The following TMPRSS12 variants were observed in gnomAD, a reference collection of about 807,000 sequenced individuals.
The protein encoded by TMPRSS12 is transmembrane serine protease 12.
A neutral mutation model predicts 26.0 loss-of-function variants in TMPRSS12; 25 were observed. The ratio of observed to expected loss-of-function variants is 0.96; its 90% confidence interval spans 0.70 to 1.34. The LOEUF is 1.34. Among genes scored for constraint, TMPRSS12 ranks in the 40% most tolerant of loss-of-function variants. The pLI is 0.00. For synonymous variants in TMPRSS12, 150 were observed against 161.7 expected, an observed-to-expected ratio of 0.93 and a Z score of 0.55; for missense variants, 441 against 440.1, an observed-to-expected ratio of 1.00 and a Z score of -0.02.
chr12:50,872,840 GTCTATATATGTACATATATATGACTA>G (rs1565936033), intron 3 of TMPRSS12, among the ~76,000 whole-genome samples: 47 of 28,274 alleles, frequency 1.7e-3, no homozygotes, highest in South Asian at 3.8e-3. Flanking sequence ...TATATATGAC[GTCTATATATGTACATATATATGACTA>G]TATATGTACA....
At chr12:50,867,093 A>G (rs750519477) in intron 3 of TMPRSS12, among the ~76,000 whole-genome samples, 7 of 152,184 alleles carry the variant, frequency 4.6e-5, no homozygotes, top group African/African-American at 4.8e-5. Context: ...TCCCCAAAAA[A>G]TCACACTAGC....
intron 2 of TMPRSS12, among the ~76,000 whole-genome samples, chr12:50,850,148 T>G (rs755226209): frequency 1.3e-5 from 2 of 152,174 alleles, no homozygotes; most frequent in Non-Finnish European, 2.9e-5. Flanking sequence ...CCAAATCTCA[T>G]GTTGGAATGT....
At chr12:50,861,870 C>T (rs987315548) in intron 3 of TMPRSS12, among the ~76,000 whole-genome samples, 6 of 150,034 alleles carry the variant, frequency 4.0e-5, no homozygotes, top group South Asian at 2.1e-4. Flanking sequence ...AGTGCAGTGG[C>T]GCAATCTCGG....
At chr12:50,844,075 G>A in intron 2 of TMPRSS12, 38 bp downstream of exon 2, 2 of 1,462,624 alleles carry the variant, frequency 1.4e-6, no homozygotes, top group Non-Finnish European at 1.8e-6. Context: ...ATGCTCTTAG[G>A]GGATATTTTG....
rs144023086 is a variant in TMPRSS12, at chr12:50,874,534, T to C, written c.653-10712T>C. On this transcript the variant is annotated intron_variant, in intron 3 of 4. Coordinates refer to ENST00000398458, the MANE Select transcript of TMPRSS12 (RefSeq NM_182559.3). ...AACACCATTCTAAGTTTAAAAATTC[T>C]CAAAAGAAATAGCAATAAGAAGTCC... Among the ~76,000 whole-genome samples the C allele has an allele frequency of 2.0e-5, 3 of 152,180 alleles. No individual in the cohort carries two copies. The East Asian group carries it at 5.8e-4, about 29-fold the overall frequency.
At chr12:50,847,152 G>A (rs576343739) in intron 2 of TMPRSS12, among the ~76,000 whole-genome samples, 160 of 142,214 alleles carry the variant, frequency 1.1e-3, no homozygotes, top group Middle Eastern at 8.6e-3. Context: ...TCCGCCTCCC[G>A]GGTTCAGGCC....
chr12:50,885,356 G>A lies in TMPRSS12; in HGVS notation c.763G>A (p.Gly255Ser). 1 of 1,613,784 alleles carries A rather than the reference G, an allele frequency of 6.2e-7. No individual in the cohort carries two copies. Among genetic ancestry groups the A allele is most frequent in the Non-Finnish European group, 8.5e-7 (1 of 1,179,814 alleles). The change falls in exon 4 of 5, where the codon GGT becomes AGT. Residue 255 changes from glycine to serine, a missense_variant. Physicochemically the swap from Gly to Ser is moderately conservative, Grantham distance 56 (BLOSUM62 0). Transcript: ENST00000398458. ...GIIPNTSFCA[G>S]DEDGAFDTCR... ...AATTCCTAACACTTCATTTTGTGCA[G>A]GTGATGAAGATGGAGCTTTTGATAC...
chr12:50,868,402 G>C (rs957985088), intron 3 of TMPRSS12, among the ~76,000 whole-genome samples: 7 of 152,042 alleles, frequency 4.6e-5, no homozygotes, highest in African/African-American at 1.7e-4. Context: ...AAGACAAAGA[G>C]GGACATTATA....
chr12:50,844,130 A>G (rs567990267), intron 2 of TMPRSS12, 93 bp downstream of exon 2: 2 of 1,137,284 alleles, frequency 1.8e-6, no homozygotes, highest in South Asian at 1.7e-5. Flanking sequence ...CAGCTAAGCT[A>G]TGTTTGCAAA....
intron 3 of TMPRSS12, among the ~76,000 whole-genome samples, chr12:50,881,187 T>C (rs919708563): frequency 6.6e-6 from 1 of 151,924 alleles, no homozygotes; most frequent in South Asian, 2.1e-4. Context: ...TTCTCCATGA[T>C]GGTCAGGCTG....
chr12:50,876,425 A>C (rs985015492), intron 3 of TMPRSS12, among the ~76,000 whole-genome samples: 1 of 152,194 alleles, frequency 6.6e-6, no homozygotes, highest in African/African-American at 2.4e-5. Context: ...AAATCATTCT[A>C]CCAAAAAGAC....
chr12:50,871,194 C>G (rs964186473), intron 3 of TMPRSS12, among the ~76,000 whole-genome samples: 15 of 152,146 alleles, frequency 9.9e-5, no homozygotes, highest in Non-Finnish European at 2.1e-4. Flanking sequence ...TGATTTCAAA[C>G]TATACTATAA....
chr12:50,872,771 G>GTACATATATAGACGTC (rs1938070269), intron 3 of TMPRSS12, among the ~76,000 whole-genome samples: 1 of 55,746 alleles, frequency 1.8e-5, no homozygotes, highest in South Asian at 5.5e-4. Flanking sequence ...TATATATGAC[G>GTACATATATAGACGTC]TATATATGTA....
At position 50,847,462 on chromosome 12, in the gene TMPRSS12, G is replaced by GT. The variant is rs532899835; in HGVS notation, c.383+3433dup. Among the ~76,000 whole-genome samples, 482 of 151,816 alleles carry GT rather than the reference G, an allele frequency of 3.2e-3. 3 individuals are homozygous for GT. Among genetic ancestry groups the GT allele is most frequent in the African/African-American group, 0.011 (455 of 41,398 alleles). On this transcript the variant is annotated intron_variant, in intron 2 of 4. Coordinates refer to ENST00000398458, the MANE Select transcript of TMPRSS12 (RefSeq NM_182559.3). ...CTTTGGGTGGTTCTGTCATCCTTTTGTTTTTTTTATTTTTATTTATTTTTA... is the reference window on the plus strand; with the variant it reads ...CTTTGGGTGGTTCTGTCATCCTTTTGTTTTTTTTTATTTTTATTTATTTTTA...
At chr12:50,882,040 T>TA (rs1555206897) in intron 3 of TMPRSS12, among the ~76,000 whole-genome samples, 11 of 124,302 alleles carry the variant, frequency 8.8e-5, no homozygotes, top group African/African-American at 3.4e-4. Flanking sequence ...TATATATATA[T>TA]ATGTTTATTT....
chr12:50,849,113 G>A (rs1005106608), intron 2 of TMPRSS12, among the ~76,000 whole-genome samples: 18 of 152,130 alleles, frequency 1.2e-4, no homozygotes, highest in Admixed American at 7.9e-4. Flanking sequence ...TTCCTACCTC[G>A]GCCTTCCAAA....
At chr12:50,872,223 A>C (rs1938050362) in intron 3 of TMPRSS12, among the ~76,000 whole-genome samples, 1 of 152,212 alleles carries the variant, frequency 6.6e-6, no homozygotes, top group Admixed American at 6.5e-5. Context: ...TGGTTAAAGA[A>C]ACTGTGAAGG....
chr12:50,865,446 G>A (rs777570038), intron 3 of TMPRSS12, among the ~76,000 whole-genome samples: 8 of 152,134 alleles, frequency 5.3e-5, no homozygotes, highest in East Asian at 3.9e-4. Context: ...CTGTAGCACC[G>A]AAGGGAAAAA....
rs143378660 is a variant in TMPRSS12 at position 50,852,600 on chromosome 12, G to A, written c.384-6185G>A. Among the ~76,000 whole-genome samples the A allele has an allele frequency of 2.6e-4, 39 of 151,890 alleles. 1 individual carries two copies. The East Asian group carries it at 7.4e-3, about 29-fold the overall frequency. On this transcript the variant is annotated intron_variant, in intron 2 of 4. Transcript: ENST00000398458. ...TAATTTTTGTATTTTTAGTAGAGACGGGGTTTCACCATCTTGATCAGGTTC... is the reference window on the plus strand; with the variant it reads ...TAATTTTTGTATTTTTAGTAGAGACAGGGTTTCACCATCTTGATCAGGTTC...
Sources: gnomAD v4.1 joint callset for allele counts (sites outside exome capture counted in the v4.1 genomes callset) on GRCh38, gnomAD v4.1.1 for gene constraint, MANE v1.5 for transcripts, NCBI Gene and HGNC (gene_info 2026-07-23, HGNC 2026-07-21) for gene names.